The following SPECC1 variants were observed in gnomAD, a reference collection of about 807,000 sequenced individuals.
The protein encoded by SPECC1 is cytospin-B.
SPECC1 carries 62 observed loss-of-function variants against 104.1 expected under a neutral mutation model. The ratio of observed to expected loss-of-function variants is 0.60; its 90% confidence interval spans 0.49 to 0.74. SPECC1 has a LOEUF of 0.74. Ranked by LOEUF, SPECC1 falls within the 30% of genes least tolerant of loss-of-function variation. SPECC1 has a pLI of 0.00. For synonymous variants in SPECC1, 513 were observed against 501.6 expected (o/e 1.02, Z -0.30); for missense variants, 1,306 against 1,310.5 (o/e 1.00, Z 0.05).
intron 1 of SPECC1, among the ~76,000 whole-genome samples, chr17:20,039,218 T>C (rs78033472): frequency 0.069 from 10,515 of 152,212 alleles, 983 homozygotes; most frequent in African/African-American, 0.21. Context: ...GAAAAGAATG[T>C]TTATTTTGCT....
At chr17:20,184,009 TA>T (rs889227424) in intron 3 of SPECC1, among the ~76,000 whole-genome samples, 281 of 138,696 alleles carry the variant, frequency 2.0e-3, no homozygotes, top group Admixed American at 2.5e-3. Context: ...CATCTCTACT[TA>T]AAAAAAAAAA....
At chr17:20,067,937 A>G (rs953283086) in intron 1 of SPECC1, among the ~76,000 whole-genome samples, 2 of 151,250 alleles carry the variant, frequency 1.3e-5, no homozygotes, top group Non-Finnish European at 2.9e-5. Context: ...TCTTCTGGAC[A>G]TTGCGTAGAA....
At chr17:20,217,651 T>G (rs778694719) in intron 4 of SPECC1, among the ~76,000 whole-genome samples, 25 of 152,198 alleles carry the variant, frequency 1.6e-4, no homozygotes, top group Non-Finnish European at 2.9e-4. Flanking sequence ...GGCCACAGTC[T>G]GCCCCAGGAT....
At chr17:20,012,718 A>C (rs1387981556) in intron 1 of SPECC1, among the ~76,000 whole-genome samples, 4 of 151,956 alleles carry the variant, frequency 2.6e-5, no homozygotes, top group African/African-American at 9.7e-5. Flanking sequence ...ATAACATAAA[A>C]TTTATTATTT....
intron 2 of SPECC1, among the ~76,000 whole-genome samples, chr17:20,109,135 A>G (rs891453984): frequency 1.3e-5 from 2 of 152,186 alleles, no homozygotes; most frequent in African/African-American, 4.8e-5. Flanking sequence ...ACACCCTGAA[A>G]TTTAAATGAT....
At chr17:20,309,522 G>A (rs957343750) in intron 14 of SPECC1, among the ~76,000 whole-genome samples, 1 of 152,128 alleles carries the variant, frequency 6.6e-6, no homozygotes, top group African/African-American at 2.4e-5. Context: ...CATAGTAGCC[G>A]ATAGTTTTTC....
chr17:20,298,948 A>AGAGAGGGTGTGTGTGTGTGT, intron 13 of SPECC1, among the ~76,000 whole-genome samples: 2 of 49,072 alleles, frequency 4.1e-5, no homozygotes, highest in Non-Finnish European at 7.3e-5. Flanking sequence ...AGAGAGAGAG[A>AGAGAGGGTGTGTGTGTGTGT]GTGTGTGTGT....
At chr17:20,181,182 A>G (rs2034858579) in intron 3 of SPECC1, among the ~76,000 whole-genome samples, 1 of 152,172 alleles carries the variant, frequency 6.6e-6, no homozygotes, top group African/African-American at 2.4e-5. Context: ...ATAGTCAGGA[A>G]AAAGTATAAT....
intron 3 of SPECC1, among the ~76,000 whole-genome samples, chr17:20,178,570 A>G (rs1172650879): frequency 6.6e-6 from 1 of 152,248 alleles, no homozygotes; most frequent in Non-Finnish European, 1.5e-5. Flanking sequence ...ACTAACTTTT[A>G]AAGAGTGATT....
chr17:20,041,292 A>G (rs1012993630), intron 1 of SPECC1, among the ~76,000 whole-genome samples: 22 of 150,264 alleles, frequency 1.5e-4, no homozygotes, highest in African/African-American at 5.1e-4. Flanking sequence ...CTGGAGTGCA[A>G]TGTGCAATGG....
At chr17:20,299,576 AAAAG>A (rs1455837589) in intron 13 of SPECC1, among the ~76,000 whole-genome samples, 49 of 117,840 alleles carry the variant, frequency 4.2e-4, no homozygotes, top group African/African-American at 1.4e-3. Flanking sequence ...AAAAAAAAAA[AAAAG>A]AAAAGAAAAA....
chr17:20,280,194 C>G (rs969142794), intron 12 of SPECC1, among the ~76,000 whole-genome samples: 1 of 152,142 alleles, frequency 6.6e-6, no homozygotes, highest in Non-Finnish European at 1.5e-5. Context: ...CTGCATGTGT[C>G]GTCAGAGAAC....
At chr17:20,274,810 CT>C (rs1011672188) in intron 12 of SPECC1, among the ~76,000 whole-genome samples, 15 of 151,382 alleles carry the variant, frequency 9.9e-5, no homozygotes, top group Admixed American at 9.9e-4. Flanking sequence ...ACCTCTTGTA[CT>C]TTTTTTGGTT....
At chr17:20,193,935 G>A (rs1392126931) in intron 3 of SPECC1, among the ~76,000 whole-genome samples, 1 of 152,184 alleles carries the variant, frequency 6.6e-6, no homozygotes, top group African/African-American at 2.4e-5. Context: ...GAATAAGCAG[G>A]TGTAGACTAA....
At chr17:20,193,161 C>T (rs551080329) in intron 3 of SPECC1, among the ~76,000 whole-genome samples, 3 of 152,240 alleles carry the variant, frequency 2.0e-5, no homozygotes, top group Non-Finnish European at 2.9e-5. Context: ...ACTGTCATGG[C>T]GCTGGCAGGA....
chr17:20,258,277 A>G (rs1397668269), intron 11 of SPECC1, among the ~76,000 whole-genome samples: 1 of 152,194 alleles, frequency 6.6e-6, no homozygotes, highest in African/African-American at 2.4e-5. Context: ...AGTGTTTAAG[A>G]AGGACTGTCA....
At chr17:20,280,493 A>G (rs944973513) in intron 12 of SPECC1, among the ~76,000 whole-genome samples, 22 of 152,202 alleles carry the variant, frequency 1.4e-4, no homozygotes, top group African/African-American at 5.3e-4. Context: ...CTAGCTCTAT[A>G]TATCTTGGTA....
At chr17:20,201,164 T>A (rs1015712919) in intron 3 of SPECC1, among the ~76,000 whole-genome samples, 2 of 151,358 alleles carry the variant, frequency 1.3e-5, no homozygotes, top group East Asian at 3.9e-4. Flanking sequence ...ATTGAAGGTT[T>A]AAAAAAAAGA....
chr17:20,178,360 C>G (rs1206063074), intron 3 of SPECC1, among the ~76,000 whole-genome samples: 1 of 152,042 alleles, frequency 6.6e-6, no homozygotes, highest in African/African-American at 2.4e-5. Context: ...CTCCTGGGCT[C>G]TAGAGTGGAA....
Sources: allele counts gnomAD v4.1 joint callset (sites outside exome capture counted in the v4.1 genomes callset), GRCh38; gene constraint gnomAD v4.1.1; transcripts MANE v1.5; gene names NCBI Gene and HGNC (gene_info 2026-07-23, HGNC 2026-07-21).